Variants in TG observed in about 807,000 individuals in gnomAD.
The protein encoded by TG is thyroid hormones.
Under a neutral mutation model 324.7 loss-of-function variants are expected in TG, and 270 were observed. The observed-to-expected ratio is 0.83, with a 90% confidence interval of 0.75 to 0.92. TG has a LOEUF of 0.92. Ranked by LOEUF, TG falls within the 40% of genes least tolerant of loss-of-function variation. TG has a pLI of 0.00. For missense variants in TG, 3,591 were observed against 3,456.4 expected (o/e 1.04, Z -0.98); for synonymous variants, 1,401 against 1,327.0 (o/e 1.06, Z -1.21).
chr8:133,050,151 C>T, intron 41 of TG: 1 of 642,560 alleles, frequency 1.6e-6, no homozygotes. Flanking sequence ...TGAAAATTTT[C>T]TTTTTAAAGG....
At chr8:132,900,968 C>G (rs186089263) in intron 15 of TG, among the ~76,000 whole-genome samples, 8 of 152,362 alleles carry the variant, frequency 5.3e-5, no homozygotes, top group Admixed American at 3.9e-4. Flanking sequence ...ATCCCCTCCC[C>G]ACCTGACAAA....
rs544781970 is a variant in TG, at chr8:133,116,858, A to C, written c.7862+142A>C. ...TAGAAATAATTGTAGTAGCCACTTC[A>C]TCTCACTGTCTTGCAGGCGGGGAAA... On this transcript the variant is annotated intron_variant, in intron 45 of 47. Transcript: ENST00000220616. The C allele has an allele frequency of 2.5e-3, 1,836 of 741,208 alleles. 12 individuals are homozygous for C. Among genetic ancestry groups the C allele is most frequent in the Non-Finnish European group, 3.1e-3 (1,312 of 422,902 alleles). The allele number at this position is 741,208 out of a possible 1,614,324, so 45.9% of individuals were successfully genotyped here. A position where few individuals can be genotyped will look rare whatever the true frequency, so the allele number is the denominator to read the frequency against.
intron 32 of TG, 38 bp from the exon 33 acceptor site, chr8:132,971,756 G>A: frequency 6.6e-7 from 1 of 1,508,718 alleles, no homozygotes. Flanking sequence ...GGTCACCAGT[G>A]AAAACCTTCA....
chr8:132,886,185 A>T (rs1815391085), intron 8 of TG, among the ~76,000 whole-genome samples: 1 of 152,132 alleles, frequency 6.6e-6, no homozygotes, highest in Non-Finnish European at 1.5e-5. Flanking sequence ...TATTTTCAAG[A>T]CTTGCCTTAG....
In TG at chr8:132,898,820, TCG is replaced by T. The variant is rs772415863; in HGVS notation, c.3241_3242del (p.Arg1081AsnfsTer12). 4 of 1,614,050 alleles carry T rather than the reference TCG, an allele frequency of 2.5e-6. No homozygotes were observed. The African/African-American group carries it at 5.3e-5, about 22-fold the overall frequency. On this transcript the variant is annotated frameshift_variant, in exon 14 of 48. Coordinates refer to ENST00000220616, the MANE Select transcript of TG (RefSeq NM_003235.5). LOFTEE classifies it high-confidence loss of function. Reference protein sequence around the residue: ...PQCPTTCEKSRTSGLLSSWKQ... With the variant: ...PQCPTTCEKSXTSGLLSSWKQ... Reference sequence around the variant, plus strand: ...CAGGCCCGACAACCTGCGAGAAATCTCGAACCAGTGGGCTGCTTTCCAGTTGG... The same window carrying T: ...CAGGCCCGACAACCTGCGAGAAATCTAACCAGTGGGCTGCTTTCCAGTTGG...
At chr8:133,067,946 A>G (rs1196011758) in intron 41 of TG, among the ~76,000 whole-genome samples, 1 of 151,844 alleles carries the variant, frequency 6.6e-6, no homozygotes, top group East Asian at 1.9e-4. Flanking sequence ...AAAGAAAGAG[A>G]GAAAGAAAGA....
chr8:132,915,803 A>G (rs554829578), intron 20 of TG, among the ~76,000 whole-genome samples: 205 of 152,318 alleles, frequency 1.3e-3, no homozygotes, highest in African/African-American at 4.7e-3. Flanking sequence ...AGATAAACCT[A>G]CACTCTATCT....
At chr8:133,003,312 T>C (rs1400958386) in intron 35 of TG, 1 of 152,414 alleles carries the variant, frequency 6.6e-6, no homozygotes, top group Non-Finnish European at 1.5e-5. Context: ...TCAAATATAT[T>C]CTAGCATAAT....
At chr8:132,951,460 A>G (rs887912739) in intron 27 of TG, among the ~76,000 whole-genome samples, 1 of 152,258 alleles carries the variant, frequency 6.6e-6, no homozygotes, top group African/African-American at 2.4e-5. Context: ...CAAGAAAGAC[A>G]TATGATATAT....
At chr8:132,912,305 G>A (rs966803740) in intron 19 of TG, among the ~76,000 whole-genome samples, 3 of 152,214 alleles carry the variant, frequency 2.0e-5, no homozygotes, top group African/African-American at 7.2e-5. Context: ...TCTCCAAAGA[G>A]AGCCTGGATA....
intron 27 of TG, among the ~76,000 whole-genome samples, chr8:132,950,638 GC>G (rs1448878357): frequency 6.6e-6 from 1 of 152,154 alleles, no homozygotes; most frequent in Non-Finnish European, 1.5e-5. Context: ...TTGCGCATTT[GC>G]CTGTCTGTGG....
chr8:133,062,443 G>A (rs1232157463), intron 41 of TG, among the ~76,000 whole-genome samples: 5 of 152,230 alleles, frequency 3.3e-5, no homozygotes, highest in African/African-American at 4.8e-5. Context: ...CACATTCCCC[G>A]CAGTTCAGCA....
chr8:132,935,618 G>A (rs1161470399), intron 24 of TG, 138 bp from the exon 25 acceptor site: 8 of 741,672 alleles, frequency 1.1e-5, no homozygotes. Context: ...TTACACATCT[G>A]TCTCCTCCAA....
At chr8:132,954,576 A>G (rs1399633352) in intron 27 of TG, among the ~76,000 whole-genome samples, 2 of 152,226 alleles carry the variant, frequency 1.3e-5, no homozygotes, top group Non-Finnish European at 2.9e-5. Flanking sequence ...GGTGCTGCAG[A>G]GGACTTGGCT....
At chr8:132,934,761 G>T (rs1042792375) in intron 24 of TG, among the ~76,000 whole-genome samples, 1 of 152,160 alleles carries the variant, frequency 6.6e-6, no homozygotes, top group Non-Finnish European at 1.5e-5. Context: ...CCTTGCGGGG[G>T]AAGGCAAAAT....
chr8:133,000,590 C>T (rs1345271921), intron 35 of TG, among the ~76,000 whole-genome samples: 1 of 152,178 alleles, frequency 6.6e-6, no homozygotes, highest in Non-Finnish European at 1.5e-5. Context: ...GCAGGAGTGA[C>T]CGGAAGAGTC....
At chr8:133,010,811 T>C (rs1834438633) in intron 35 of TG, among the ~76,000 whole-genome samples, 1 of 152,194 alleles carries the variant, frequency 6.6e-6, no homozygotes, top group Non-Finnish European at 1.5e-5. Context: ...CTGTGGCTGC[T>C]ATGCCTGTGC....
In TG at chr8:133,022,033, G is replaced by T; in HGVS notation, c.6919G>T (p.Asp2307Tyr). 6.2e-6 allele frequency: 10 copies of T among 1,614,148 alleles called. No individual in the cohort carries two copies. The highest frequency in any genetic ancestry group is 8.5e-6 in the Non-Finnish European group (10 of 1,180,026). ...GCTGGTGTTCTTCCACAACACCATG[G>T]ACAGGGAGGAGAGTGAAGGATGGCC... is the stretch of plus-strand genomic sequence containing the variant. ...SVLVFFHNTM[D>Y]REESEGWPAI... The change falls in exon 40 of 48, where the codon GAC becomes TAC. Residue 2307 changes from aspartate to tyrosine, a missense_variant. Transcript: ENST00000220616.
chr8:133,102,130 G>A (rs963315826), intron 43 of TG, among the ~76,000 whole-genome samples: 1 of 152,212 alleles, frequency 6.6e-6, no homozygotes, highest in Non-Finnish European at 1.5e-5. Flanking sequence ...ATTAAGATTA[G>A]TGTCCAAAGC....
Sources: gnomAD v4.1 joint callset for allele counts (sites outside exome capture counted in the v4.1 genomes callset) on GRCh38, gnomAD v4.1.1 for gene constraint, MANE v1.5 for transcripts, NCBI Gene and HGNC (gene_info 2026-07-23, HGNC 2026-07-21) for gene names.